BARX2: variants seen among roughly 807,000 people sequenced by gnomAD.
BARX2 encodes BARX homeobox 2, also known as homeobox protein BarH-like 2.
In BARX2, 11 loss-of-function variants were observed where a neutral mutation model predicts 25.5. That is an observed-to-expected ratio of 0.43 (90% CI 0.27 to 0.71). BARX2 has a LOEUF of 0.71. Among genes scored for constraint, BARX2 ranks in the 30% least tolerant of loss-of-function variants. The pLI is 0.19. For missense variants in BARX2, 360 were observed against 359.9 expected (o/e 1.00, Z 0.00); for synonymous variants, 137 against 149.5 (o/e 0.92, Z 0.61).
chr11:129,377,723 A>C (rs1861518608), intron 1 of BARX2, among the ~76,000 whole-genome samples: 1 of 152,362 alleles, frequency 6.6e-6, no homozygotes, highest in East Asian at 1.9e-4. Flanking sequence ...CCTTCGAGGA[A>C]AAAGAGAGGA....
chr11:129,427,134 G>A (rs898211098), intron 1 of BARX2, among the ~76,000 whole-genome samples: 1 of 152,218 alleles, frequency 6.6e-6, no homozygotes, highest in African/African-American at 2.4e-5. Context: ...GAAACTAAGT[G>A]AAGGGAGAGA....
intron 2 of BARX2, chr11:129,437,271 C>T (rs1039858425): frequency 1.4e-5 from 8 of 587,668 alleles, no homozygotes; most frequent in African/African-American, 1.9e-5. Context: ...AAACTTAACT[C>T]ACCACTTTAT....
At chr11:129,441,914 G>A (rs556073902) in intron 2 of BARX2, among the ~76,000 whole-genome samples, 2 of 152,266 alleles carry the variant, frequency 1.3e-5, no homozygotes, top group East Asian at 3.9e-4. Flanking sequence ...AGCATGTCAG[G>A]GGCTTAGCAT....
intron 3 of BARX2, 24 bp from the exon 4 acceptor site, chr11:129,451,112 A>C (rs368640177): frequency 5.0e-6 from 8 of 1,602,914 alleles, no homozygotes; most frequent in Non-Finnish European, 6.8e-6. Context: ...TCTTAGATTC[A>C]ATAACAATTT....
At chr11:129,395,341 C>T (rs1861708599) in intron 1 of BARX2, among the ~76,000 whole-genome samples, 1 of 152,162 alleles carries the variant, frequency 6.6e-6, no homozygotes, top group South Asian at 2.1e-4. Flanking sequence ...CGAGGACCAG[C>T]ACTACCCTTG....
chr11:129,420,414 C>T (rs1194638574), intron 1 of BARX2, among the ~76,000 whole-genome samples: 1 of 152,214 alleles, frequency 6.6e-6, no homozygotes, highest in Non-Finnish European at 1.5e-5. Context: ...GTTTTCTCTC[C>T]TCTGGAGGCC....
intron 3 of BARX2, among the ~76,000 whole-genome samples, chr11:129,446,081 T>C (rs1222499923): frequency 6.6e-6 from 1 of 152,176 alleles, no homozygotes; most frequent in African/African-American, 2.4e-5. Context: ...TGGTAACCTA[T>C]AGCGGGTTGG....
At chr11:129,449,831 T>C (rs921598369) in intron 3 of BARX2, among the ~76,000 whole-genome samples, 3 of 152,088 alleles carry the variant, frequency 2.0e-5, no homozygotes, top group African/African-American at 4.8e-5. Flanking sequence ...GCAGTGACCA[T>C]AGTTTCTGAA....
intron 1 of BARX2, among the ~76,000 whole-genome samples, chr11:129,407,317 A>G (rs917387538): frequency 6.6e-6 from 1 of 152,172 alleles, no homozygotes; most frequent in Non-Finnish European, 1.5e-5. Flanking sequence ...GATGCTATTT[A>G]CTAGTGATAC....
chr11:129,437,040 A>G lies in BARX2; in HGVS notation c.477A>G (p.Ser159=). ...EKKFQKQKYL[S]TPDRLDLAQS... ...AATTCCAGAAGCAGAAGTATTTGTC[A>G]ACCCCAGACAGGTGAGGACGCAGGG... The change falls in exon 2 of 4, where the codon TCA becomes TCG. Residue 159 remains serine, a synonymous_variant. Transcript: ENST00000281437. The G allele has an allele frequency of 6.4e-7, 1 of 1,571,126 alleles. No individual in the cohort carries two copies. Among genetic ancestry groups the G allele is most frequent in the Non-Finnish European group, 8.7e-7 (1 of 1,153,984 alleles).
At chr11:129,434,545 C>G (rs1375928131) in intron 1 of BARX2, among the ~76,000 whole-genome samples, 1 of 151,238 alleles carries the variant, frequency 6.6e-6, no homozygotes, top group African/African-American at 2.4e-5. Context: ...GCCACCACAC[C>G]TGAACTAGAT....
intron 1 of BARX2, among the ~76,000 whole-genome samples, chr11:129,426,079 C>T (rs949224901): frequency 6.7e-6 from 1 of 148,752 alleles, no homozygotes; most frequent in Non-Finnish European, 1.5e-5. Flanking sequence ...CCTCTTAAAA[C>T]ATTTTCTGTT....
intron 3 of BARX2, among the ~76,000 whole-genome samples, chr11:129,449,818 C>T (rs1409412649): frequency 6.6e-6 from 1 of 152,148 alleles, no homozygotes; most frequent in Non-Finnish European, 1.5e-5. Context: ...AGCAGGTAAA[C>T]ATGCAGTGAC....
At chr11:129,419,169 C>T (rs569078771) in intron 1 of BARX2, among the ~76,000 whole-genome samples, 1 of 152,358 alleles carries the variant, frequency 6.6e-6, no homozygotes, top group Admixed American at 6.5e-5. Flanking sequence ...TGCTGAGAAG[C>T]TTCTGGCCAC....
At chr11:129,411,719 G>A (rs985223575) in intron 1 of BARX2, among the ~76,000 whole-genome samples, 12 of 152,224 alleles carry the variant, frequency 7.9e-5, no homozygotes, top group Non-Finnish European at 2.9e-5. Context: ...TCTCAGCTCT[G>A]GCCACACGGC....
chr11:129,384,768 T>C (rs1861602092), intron 1 of BARX2, among the ~76,000 whole-genome samples: 1 of 152,226 alleles, frequency 6.6e-6, no homozygotes, highest in African/African-American at 2.4e-5. Context: ...AAATACTTTA[T>C]ACCCTAAACC....
At chr11:129,391,518 G>A (rs760182394) in intron 1 of BARX2, among the ~76,000 whole-genome samples, 21 of 152,116 alleles carry the variant, frequency 1.4e-4, no homozygotes, top group South Asian at 2.1e-4. Context: ...CCTCAGTTAC[G>A]AAATAAGGTT....
rs115715516 is a variant in BARX2 at position 129,447,370 on chromosome 11, C to T, written c.574-3766C>T. 8.9e-3 allele frequency among the ~76,000 whole-genome samples: 1,351 copies of T among 152,292 alleles called. 11 individuals carry two copies. Among genetic ancestry groups the T allele is most frequent in the African/African-American group, 0.031 (1,298 of 41,562 alleles). On this transcript the variant is annotated intron_variant, in intron 3 of 3. Coordinates refer to ENST00000281437, the MANE Select transcript of BARX2 (RefSeq NM_003658.5). ...GTGGATGGTGTCCTAGGTGTTCTTC[C>T]GAGAGGCAGAAGGAGGCATGTGACC... is the stretch of plus-strand genomic sequence containing the variant.
At chr11:129,413,569 A>G (rs1861911652) in intron 1 of BARX2, among the ~76,000 whole-genome samples, 1 of 152,114 alleles carries the variant, frequency 6.6e-6, no homozygotes, top group South Asian at 2.1e-4. Flanking sequence ...TTTTTGAGGC[A>G]GGGGATACAA....
Sources: gnomAD v4.1 joint callset for allele counts (sites outside exome capture counted in the v4.1 genomes callset) on GRCh38, gnomAD v4.1.1 for gene constraint, MANE v1.5 for transcripts, NCBI Gene and HGNC (gene_info 2026-07-23, HGNC 2026-07-21) for gene names.